ZFPM1: variants seen among roughly 807,000 people sequenced by gnomAD.
ZFPM1 encodes zinc finger protein ZFPM1.
ZFPM1 carries 28 observed loss-of-function variants against 46.3 expected under a neutral mutation model. The observed-to-expected ratio is 0.60, with a 90% CI of 0.45 to 0.83. The LOEUF is 0.83. Ranked by LOEUF, ZFPM1 falls within the 40% of genes least tolerant of loss-of-function variation. The pLI is 0.00. For missense variants in ZFPM1, 1,878 were observed against 1,432.4 expected, an observed-to-expected ratio of 1.31 and a Z score of -5.02; for synonymous variants, 957 against 675.9, an observed-to-expected ratio of 1.42 and a Z score of -6.45.
rs763585212 is a variant in ZFPM1 at position 88,532,181 on chromosome 16, C to A, written c.892C>A (p.Arg298Ser). 1.2e-5 allele frequency: 19 copies of A among 1,611,202 alleles called. No homozygotes were observed. Among genetic ancestry groups the A allele is most frequent in the African/African-American group, 2.7e-5 (2 of 74,894 alleles). ...GCGCGTCTGCCCCTTCCCCCAGTGC[C>A]GCAAGAGCTGCCCCAGCGCCAGCTC... The part of the protein sequence containing the change: ...NERVCPFPQC[R>S]KSCPSASSLE... The change falls in exon 7 of 10, where the codon CGC becomes AGC. Residue 298 changes from arginine to serine, a missense_variant. Physicochemically the swap from Arg to Ser is moderately radical, Grantham distance 110. Coordinates refer to ENST00000319555, the MANE Select transcript of ZFPM1 (RefSeq NM_153813.3).
intron 1 of ZFPM1, among the ~76,000 whole-genome samples, chr16:88,458,170 T>C (rs1229428403): frequency 2.6e-5 from 4 of 152,112 alleles, no homozygotes; most frequent in African/African-American, 9.7e-5. Context: ...TCCTTAAGGG[T>C]GTGTCCGTGA....
chr16:88,468,170 G>C (rs570589888), intron 1 of ZFPM1, among the ~76,000 whole-genome samples: 3 of 84,320 alleles, frequency 3.6e-5, no homozygotes, highest in East Asian at 3.3e-4. Context: ...GAGCCCACAG[G>C]CCCTGACGCA....
intron 4 of ZFPM1, among the ~76,000 whole-genome samples, chr16:88,519,095 AGT>A (rs1911595073): frequency 2.0e-5 from 1 of 50,102 alleles, no homozygotes; most frequent in Non-Finnish European, 3.8e-5. Flanking sequence ...GATGGCTGAG[AGT>A]GTGGGTGGAT....
chr16:88,493,573 C>T (rs1217772438), intron 3 of ZFPM1, among the ~76,000 whole-genome samples: 1 of 142,784 alleles, frequency 7.0e-6, no homozygotes, highest in Admixed American at 6.9e-5. Flanking sequence ...AGAGCTGTCC[C>T]GGGGTGTGGT....
In ZFPM1 at chr16:88,533,453, A is replaced by G. The variant is rs774538257; in HGVS notation, c.1495A>G (p.Arg499Gly). The G allele has an allele frequency of 1.8e-4, 253 of 1,440,862 alleles. 1 individual carries two copies. In the Middle Eastern group the frequency reaches 4.3e-3, roughly 24 times the overall value. 89.3% of individuals were successfully genotyped at this position (1,440,862 alleles called of 1,614,324 possible). ...GTCGCCGCGCAGCCCCGCCCCGGCC[A>G]GGGTCAAGGCCGAGCTGTCCAGCCC... is the stretch of plus-strand genomic sequence containing the variant. ...TPSPRSPAPARVKAELSSPTP... is the reference protein window; with the variant it reads ...TPSPRSPAPAGVKAELSSPTP... The change falls in exon 10 of 10, where the codon AGG becomes GGG. Residue 499 changes from arginine to glycine, a missense_variant. Physicochemically the swap from Arg to Gly is moderately radical, Grantham distance 125 (BLOSUM62 -2). Transcript: ENST00000319555.
chr16:88,467,203 A>G (rs975999065), intron 1 of ZFPM1, among the ~76,000 whole-genome samples: 1 of 152,018 alleles, frequency 6.6e-6, no homozygotes, highest in Non-Finnish European at 1.5e-5. Context: ...CCAAGAGTCT[A>G]CCCCTTGTCA....
intron 1 of ZFPM1, among the ~76,000 whole-genome samples, chr16:88,463,349 C>T (rs931228619): frequency 6.6e-6 from 1 of 152,234 alleles, no homozygotes; most frequent in Non-Finnish European, 1.5e-5. Flanking sequence ...GCAGCAGGCG[C>T]CCAGACCCTC....
At chr16:88,505,206 G>T (rs946114474) in intron 3 of ZFPM1, among the ~76,000 whole-genome samples, 1 of 152,206 alleles carries the variant, frequency 6.6e-6, no homozygotes, top group Non-Finnish European at 1.5e-5. Context: ...TACAGTGGAC[G>T]CCAGGCCCAG....
At chr16:88,496,435 A>G (rs1909934405) in intron 3 of ZFPM1, among the ~76,000 whole-genome samples, 1 of 151,964 alleles carries the variant, frequency 6.6e-6, no homozygotes, top group African/African-American at 2.4e-5. Context: ...GTTCCCGGGC[A>G]AGCAATCCTC....
chr16:88,493,912 G>C lies in ZFPM1; in HGVS notation c.268+4759G>C, dbSNP rs1349302178. 3.9e-5 allele frequency among the ~76,000 whole-genome samples: 6 copies of C among 152,300 alleles called. No homozygotes were observed. The East Asian group carries it at 1.2e-3, about 29-fold the overall frequency. ...TCGAGCGCCACGGCTTCAAAGGAGGGCACCTTGAGCTGTTCTGAGACGGGA... is the reference window on the plus strand; with the variant it reads ...TCGAGCGCCACGGCTTCAAAGGAGGCCACCTTGAGCTGTTCTGAGACGGGA... On this transcript the variant is annotated intron_variant, in intron 3 of 9. Coordinates refer to ENST00000319555, the MANE Select transcript of ZFPM1 (RefSeq NM_153813.3).
At chr16:88,485,907 C>A (rs769348386) in intron 1 of ZFPM1, 32 bp from the exon 2 acceptor site, 21 of 1,607,018 alleles carry the variant, frequency 1.3e-5, no homozygotes, top group Non-Finnish European at 1.7e-5. Flanking sequence ...CCCCAGAGCT[C>A]CTCCCGAACC....
At chr16:88,503,792 CCA>C (rs1045102859) in intron 3 of ZFPM1, among the ~76,000 whole-genome samples, 55 of 152,334 alleles carry the variant, frequency 3.6e-4, no homozygotes, top group African/African-American at 1.3e-3. Context: ...GCCCTGTACC[CCA>C]GTTAGCGCCT....
At chr16:88,514,354 G>C in intron 3 of ZFPM1, 33 bp from the exon 4 acceptor site, 1 of 1,556,184 alleles carries the variant, frequency 6.4e-7, no homozygotes, top group South Asian at 1.2e-5. Context: ...CCCCAGACCG[G>C]GCACGCCTCA....
chr16:88,508,683 C>T (rs1477451939), intron 3 of ZFPM1, among the ~76,000 whole-genome samples: 1 of 152,204 alleles, frequency 6.6e-6, no homozygotes, highest in Non-Finnish European at 1.5e-5. Context: ...ACTGAGGCTG[C>T]AGAGGGGACA....
At chr16:88,458,678 C>T (rs1243351341) in intron 1 of ZFPM1, among the ~76,000 whole-genome samples, 1 of 152,226 alleles carries the variant, frequency 6.6e-6, no homozygotes, top group Non-Finnish European at 1.5e-5. Context: ...CCCGGCCACA[C>T]TCGGGGCCCT....
In ZFPM1 at chr16:88,534,907, C is replaced by G; in HGVS notation, c.2949C>G (p.Phe983Leu). Residue 983 changes from phenylalanine to leucine, a missense_variant, in exon 10 of 10, where the codon TTC (phenylalanine) becomes TTG (leucine). Transcript: ENST00000319555. ...HRYCRLCNIK[F>L]SSLSTFIAHK... Reference sequence around the variant, plus strand: ...ACTGCCGTCTTTGCAACATCAAGTTCAGCAGCCTGTCCACCTTCATCGCCC... The same window carrying G: ...ACTGCCGTCTTTGCAACATCAAGTTGAGCAGCCTGTCCACCTTCATCGCCC... 2.6e-6 allele frequency: 4 copies of G among 1,562,822 alleles called. No homozygotes were observed. The highest frequency in any genetic ancestry group is 2.6e-6 in the Non-Finnish European group (3 of 1,158,034).
Position 88,534,817 on chromosome 16 carries a change from G to T in ZFPM1, c.2859G>T (p.Ser953=), listed in dbSNP as rs755607416. The change falls in exon 10 of 10, where the codon TCG becomes TCT. Residue 953 remains serine (S), a synonymous_variant. Coordinates refer to ENST00000319555, the MANE Select transcript of ZFPM1 (RefSeq NM_153813.3). The part of the protein sequence containing the change: ...VPPPPAPPSY[S]DKGVQTPSKG... ...CCCCGCCGGCGCCCCCCTCCTACTCGGACAAGGGCGTCCAGACTCCCAGCA... is the reference window on the plus strand; with the variant it reads ...CCCCGCCGGCGCCCCCCTCCTACTCTGACAAGGGCGTCCAGACTCCCAGCA... 1 of 1,512,422 alleles carries T rather than the reference G, an allele frequency of 6.6e-7. No homozygotes were observed. 93.7% of individuals were successfully genotyped at this position (1,512,422 alleles called of 1,614,324 possible).
intron 1 of ZFPM1, among the ~76,000 whole-genome samples, chr16:88,461,941 G>A (rs566910936): frequency 6.6e-5 from 10 of 152,354 alleles, no homozygotes; most frequent in African/African-American, 2.2e-4. Flanking sequence ...CGTGGACCCT[G>A]GGGGTGGGCC....
At chr16:88,505,850 G>C (rs543497182) in intron 3 of ZFPM1, among the ~76,000 whole-genome samples, 1 of 152,126 alleles carries the variant, frequency 6.6e-6, no homozygotes, top group Non-Finnish European at 1.5e-5. Context: ...AGAGAGCCTC[G>C]GCAGGTGCAG....
Sources: gnomAD v4.1 joint callset for allele counts (sites outside exome capture counted in the v4.1 genomes callset) on GRCh38, gnomAD v4.1.1 for gene constraint, MANE v1.5 for transcripts, NCBI Gene and HGNC (gene_info 2026-07-23, HGNC 2026-07-21) for gene names.